SLC39A11: variants seen among roughly 807,000 people sequenced by gnomAD.
The protein encoded by SLC39A11 is solute carrier family 39 member 11, also known as zinc transporter ZIP11.
Under a neutral mutation model 36.1 loss-of-function variants are expected in SLC39A11, and 33 were observed. That is an observed-to-expected ratio of 0.91 (90% CI 0.69 to 1.22). The LOEUF is 1.22. Ranked by LOEUF, SLC39A11 falls within the 50% of genes most tolerant of loss-of-function variation. The pLI is 0.00. For missense variants in SLC39A11, 432 were observed against 430.3 expected (o/e 1.00, Z -0.03); for synonymous variants, 166 against 170.3 (o/e 0.97, Z 0.20).
chr17:72,663,437 T>G (rs998228363), intron 7 of SLC39A11, among the ~76,000 whole-genome samples: 1 of 152,142 alleles, frequency 6.6e-6, no homozygotes, highest in Non-Finnish European at 1.5e-5. Flanking sequence ...GAAACCCACA[T>G]CCCGATCAAG....
intron 3 of SLC39A11, among the ~76,000 whole-genome samples, chr17:73,041,075 C>T (rs2059099514): frequency 6.6e-6 from 1 of 151,722 alleles, no homozygotes; most frequent in Non-Finnish European, 1.5e-5. Context: ...TAATTCCCCT[C>T]TAAATCTAAT....
chr17:73,004,244 G>GAAAGAAAGAA (rs1461670516), intron 4 of SLC39A11, among the ~76,000 whole-genome samples: 1 of 146,608 alleles, frequency 6.8e-6, no homozygotes, highest in Non-Finnish European at 1.5e-5. Flanking sequence ...AAGAAAGAAA[G>GAAAGAAAGAA]AGAAAAAGCA....
At chr17:72,918,084 A>G (rs2083434360) in intron 5 of SLC39A11, among the ~76,000 whole-genome samples, 1 of 152,238 alleles carries the variant, frequency 6.6e-6, no homozygotes, top group African/African-American at 2.4e-5. Context: ...TCTCTCCTCT[A>G]CAGGACTCAT....
chr17:73,032,547 G>GCTCA (rs2148681377), intron 3 of SLC39A11, among the ~76,000 whole-genome samples: 1 of 152,234 alleles, frequency 6.6e-6, no homozygotes, highest in African/African-American at 2.4e-5. Context: ...AAGACAAATT[G>GCTCA]CTCACTACTT....
intron 5 of SLC39A11, among the ~76,000 whole-genome samples, chr17:72,856,680 CT>C (rs367931864): frequency 0.045 from 6,711 of 148,230 alleles, 203 homozygotes; most frequent in African/African-American, 0.083. Flanking sequence ...AATATTAAAA[CT>C]TTTTTTTTTT....
chr17:73,013,403 C>T (rs944708210), intron 4 of SLC39A11, among the ~76,000 whole-genome samples: 3 of 152,218 alleles, frequency 2.0e-5, no homozygotes, highest in East Asian at 1.9e-4. Flanking sequence ...GTTTAGCTTC[C>T]ACTTATAAGT....
intron 3 of SLC39A11, among the ~76,000 whole-genome samples, chr17:73,083,860 A>G (rs527710849): frequency 1.6e-4 from 25 of 152,370 alleles, no homozygotes; most frequent in African/African-American, 5.5e-4. Context: ...CTGAATATGG[A>G]CTGGATGTTA....
At chr17:72,822,740 T>C (rs1405599957) in intron 6 of SLC39A11, among the ~76,000 whole-genome samples, 4 of 151,006 alleles carry the variant, frequency 2.6e-5, no homozygotes, top group Non-Finnish European at 5.9e-5. Context: ...TTCTTTCTTT[T>C]TTTTTGCTCT....
At chr17:73,038,544 C>CAAA (rs35947586) in intron 3 of SLC39A11, among the ~76,000 whole-genome samples, 37 of 123,890 alleles carry the variant, frequency 3.0e-4, no homozygotes, top group African/African-American at 7.4e-4. Context: ...ACTAAAAATA[C>CAAA]AAAAAAAAAA....
intron 7 of SLC39A11, among the ~76,000 whole-genome samples, chr17:72,707,587 G>C (rs533698660): frequency 6.6e-6 from 1 of 152,300 alleles, no homozygotes; most frequent in African/African-American, 2.4e-5. Flanking sequence ...GAGAAATATT[G>C]AAGAACTCCT....
chr17:72,959,323 G>GTACATATATATATA (rs766454318), intron 4 of SLC39A11, among the ~76,000 whole-genome samples: 2 of 81,458 alleles, frequency 2.5e-5, no homozygotes, highest in Admixed American at 1.4e-4. Context: ...GTGTGTGTGT[G>GTACATATATATATA]TGTATATATA....
chr17:73,008,086 G>A (rs2090282954), intron 4 of SLC39A11, among the ~76,000 whole-genome samples: 1 of 150,664 alleles, frequency 6.6e-6, no homozygotes, highest in African/African-American at 2.4e-5. Context: ...CTGGGTGACA[G>A]AGCGAGACTC....
At chr17:72,794,989 T>A (rs2076847735) in intron 6 of SLC39A11, among the ~76,000 whole-genome samples, 2 of 152,240 alleles carry the variant, frequency 1.3e-5, no homozygotes, top group South Asian at 4.1e-4. Flanking sequence ...GACCTCCGAC[T>A]GTGAAAGAAG....
At chr17:72,720,333 A>T (rs1037765902) in intron 7 of SLC39A11, among the ~76,000 whole-genome samples, 1 of 139,080 alleles carries the variant, frequency 7.2e-6, no homozygotes, top group African/African-American at 2.8e-5. Flanking sequence ...GAGCTCTAGA[A>T]ACAGGAGTAG....
At chr17:72,834,436 A>G (rs1454088606) in intron 6 of SLC39A11, among the ~76,000 whole-genome samples, 3 of 152,164 alleles carry the variant, frequency 2.0e-5, no homozygotes, top group African/African-American at 7.2e-5. Context: ...AGCCTGGCCA[A>G]TATGGTGAAA....
At chr17:72,880,678 A>G (rs2081149964) in intron 5 of SLC39A11, among the ~76,000 whole-genome samples, 1 of 147,270 alleles carries the variant, frequency 6.8e-6, no homozygotes, top group African/African-American at 2.5e-5. Flanking sequence ...GTTCAGATAC[A>G]TGGCTTTTTT....
chr17:72,706,032 C>T (rs746718505), intron 7 of SLC39A11, among the ~76,000 whole-genome samples: 1 of 152,182 alleles, frequency 6.6e-6, no homozygotes, highest in Non-Finnish European at 1.5e-5. Flanking sequence ...AGCTCTCTGC[C>T]ATCTTGGGAA....
At position 72,753,525 on chromosome 17, in the gene SLC39A11, T is replaced by G. The variant is rs529701842; in HGVS notation, c.602-16806A>C. 9.8e-5 allele frequency among the ~76,000 whole-genome samples: 15 copies of G among 152,348 alleles called. 1 individual carries two copies. The highest frequency in any genetic ancestry group is 3.6e-4 in the African/African-American group (15 of 41,586). ...GTTCTTGCTTTATGAGCATGATAAA[T>G]ATGCTCTTGAATCTCCAGCTGAACA... On this transcript the variant is annotated intron_variant, in intron 6 of 9. Coordinates refer to ENST00000255559, the MANE Select transcript of SLC39A11 (RefSeq NM_139177.4).
At chr17:72,831,281 G>C (rs1048366004) in intron 6 of SLC39A11, among the ~76,000 whole-genome samples, 1 of 152,182 alleles carries the variant, frequency 6.6e-6, no homozygotes, top group African/African-American at 2.4e-5. Context: ...GAAGAGAGCT[G>C]ATGAGTACAA....
Sources: gnomAD v4.1 joint callset for allele counts (sites outside exome capture counted in the v4.1 genomes callset) on GRCh38, gnomAD v4.1.1 for gene constraint, MANE v1.5 for transcripts, NCBI Gene and HGNC (gene_info 2026-07-23, HGNC 2026-07-21) for gene names.